The following SMPDL3B variants were observed in gnomAD, a reference collection of about 807,000 sequenced individuals.
The protein encoded by SMPDL3B is acid sphingomyelinase-like phosphodiesterase 3b.
Under a neutral mutation model 37.9 loss-of-function variants are expected in SMPDL3B, and 31 were observed. That is an observed-to-expected ratio of 0.82 (90% CI 0.61 to 1.10). The LOEUF (loss-of-function observed/expected upper bound fraction) is 1.10. Among genes scored for constraint, SMPDL3B ranks in the 50% least tolerant of loss-of-function variants. The pLI is 0.00. For missense variants in SMPDL3B, 525 were observed against 597.8 expected, an observed-to-expected ratio of 0.88 and a Z score of 1.27; for synonymous variants, 235 against 242.6, an observed-to-expected ratio of 0.97 and a Z score of 0.29.
rs150114839 is a variant in SMPDL3B at position 27,945,998 on chromosome 1, T to C, written c.275+553T>C. ...GCAGAGACCCAGTTTCTGCTTCCTG[T>C]CCAAGGTTGCTGCTCTAATTCCTTC... On this transcript the variant is annotated intron_variant, in intron 2 of 7. Transcript: ENST00000373894. The surrounding 1 kb of genome is among the most constrained non-coding windows in gnomAD (Gnocchi z 4.0). 1.4e-3 allele frequency among the ~76,000 whole-genome samples: 206 copies of C among 152,272 alleles called. 1 individual carries two copies. Among genetic ancestry groups the C allele is most frequent in the Middle Eastern group, 6.8e-3 (2 of 294 alleles).
intron 1 of SMPDL3B, among the ~76,000 whole-genome samples, chr1:27,938,702 A>G (rs6598913): frequency 0.95 from 145,006 of 152,308 alleles, 69,355 homozygotes; most frequent in East Asian, 1. Context: ...ACACTTCGAG[A>G]AGCCATACAA....
chr1:27,949,001 C>T (rs1403495898), intron 2 of SMPDL3B, 64 bp from the exon 3 acceptor site: 4 of 1,611,378 alleles, frequency 2.5e-6, no homozygotes, highest in Admixed American at 1.7e-5. Flanking sequence ...CAGAGCTGTC[C>T]CTTCCTTTTC....
chr1:27,944,568 C>G (rs1571652046), intron 1 of SMPDL3B, among the ~76,000 whole-genome samples: 1 of 151,898 alleles, frequency 6.6e-6, no homozygotes, highest in Admixed American at 6.6e-5. Flanking sequence ...GTAGCCCAGG[C>G]TGGTCTTGAA....
chr1:27,945,504 C>A lies in SMPDL3B; in HGVS notation c.275+59C>A. The A allele has an allele frequency of 1.5e-6, 2 of 1,359,676 alleles. No homozygotes were observed. Among genetic ancestry groups the A allele is most frequent in the Non-Finnish European group, 2.1e-6 (2 of 956,034 alleles). The allele number at this position is 1,359,676 out of a possible 1,614,324, so 84.2% of individuals were successfully genotyped here. A position where few individuals can be genotyped will look rare whatever the true frequency, so the allele number is the denominator to read the frequency against. On this transcript the variant is annotated intron_variant, in intron 2 of 7. Transcript: ENST00000373894. This position sits in a 1 kb window ranked among gnomAD's most constrained non-coding sequence, Gnocchi z 4.0. Reference sequence around the variant, plus strand: ...CAGGCATCTGCTATGTGCTACATACCAGTCTGGCCCTTTGCCCACATTATC... The same window carrying A: ...CAGGCATCTGCTATGTGCTACATACAAGTCTGGCCCTTTGCCCACATTATC...
Position 27,958,995 on chromosome 1 carries a change from T to A in SMPDL3B, c.*157T>A. ...AAGCCCCAGGAGCTGCAGCCATCCG[T>A]GATCGCGCCACTGCACTCCAGCCTG... On this transcript the variant is annotated 3_prime_UTR_variant, in exon 8 of 8. Transcript: ENST00000373894. This position sits in a 1 kb window ranked among gnomAD's most constrained non-coding sequence, Gnocchi z 5.6. 1 of 875,230 alleles carries A rather than the reference T, an allele frequency of 1.1e-6. No homozygotes were observed. The allele number at this position is 875,230 out of a possible 1,614,324, so 54.2% of individuals were successfully genotyped here. A position where few individuals can be genotyped will look rare whatever the true frequency, so the allele number is the denominator to read the frequency against.
chr1:27,955,406 C>T (rs567688624), intron 5 of SMPDL3B, among the ~76,000 whole-genome samples: 2 of 152,292 alleles, frequency 1.3e-5, no homozygotes, highest in South Asian at 2.1e-4. Context: ...ATTAGGAAAG[C>T]TTCATGGGGG....
chr1:27,935,871 G>A (rs563713405), intron 1 of SMPDL3B, among the ~76,000 whole-genome samples: 147 of 152,308 alleles, frequency 9.7e-4, no homozygotes, highest in African/African-American at 3.3e-3. Flanking sequence ...AGAGGACAGT[G>A]CACGGGGTCT....
At chr1:27,935,550 G>C (rs916279982) in intron 1 of SMPDL3B, among the ~76,000 whole-genome samples, 4 of 152,082 alleles carry the variant, frequency 2.6e-5, no homozygotes, top group Admixed American at 2.6e-4. Context: ...CAACAAATGA[G>C]GTCCTTTCCT....
In SMPDL3B at chr1:27,943,821, G is replaced by A. The variant is rs1031820474; in HGVS notation, c.62-1411G>A. On this transcript the variant is annotated intron_variant, in intron 1 of 7. Transcript: ENST00000373894. ...TTGAGACCAGCCTGGCTAACATGGC[G>A]AAACCCCATTTCTACTAAAAATACA... is the stretch of plus-strand genomic sequence containing the variant. Among the ~76,000 whole-genome samples the A allele has an allele frequency of 1.9e-4, 28 of 150,956 alleles. No homozygotes were observed. The East Asian group carries it at 3.1e-3, about 17-fold the overall frequency.
chr1:27,953,226 T>C lies in SMPDL3B; in HGVS notation c.385T>C (p.Tyr129His), dbSNP rs142477376. 65 of 1,613,094 alleles carry C rather than the reference T, an allele frequency of 4.0e-5. No individual in the cohort carries two copies. The African/African-American group carries it at 8.4e-4, about 21-fold the overall frequency. Reference sequence around the variant, plus strand: ...CCCTTTCTTCCTAGATACTAAAGTCTATGCTGCTTTGGGAAATCATGATTT... The same window carrying C: ...CCCTTTCTTCCTAGATACTAAAGTCCATGCTGCTTTGGGAAATCATGATTT... ...IREVFPDTKVYAALGNHDFHP... is the reference protein window; with the variant it reads ...IREVFPDTKVHAALGNHDFHP... Residue 129 changes from tyrosine (Y) to histidine (H), a missense_variant, in exon 4 of 8, where the codon TAT becomes CAT. Tyr to His is a moderately conservative substitution (Grantham distance 83). Transcript: ENST00000373894.
In SMPDL3B at chr1:27,958,890, G is replaced by A; in HGVS notation, c.*52G>A. ...AACGGGTAACGGGGGCAGCGCCCAG[G>A]ATCACCCAGAGCTGGGCCTTCCACC... On this transcript the variant is annotated 3_prime_UTR_variant, in exon 8 of 8. Coordinates refer to ENST00000373894, the MANE Select transcript of SMPDL3B (RefSeq NM_014474.4). The surrounding 1 kb of genome is among the most constrained non-coding windows in gnomAD (Gnocchi z 5.6). 6.7e-7 allele frequency: 1 copy of A among 1,490,126 alleles called. No homozygotes were observed. The highest frequency in any genetic ancestry group is 9.0e-7 in the Non-Finnish European group (1 of 1,116,520). 92.3% of individuals were successfully genotyped at this position (1,490,126 alleles called of 1,614,324 possible).
intron 7 of SMPDL3B, among the ~76,000 whole-genome samples, chr1:27,956,761 A>G (rs932534240): frequency 1.3e-5 from 2 of 152,154 alleles, no homozygotes; most frequent in African/African-American, 4.8e-5. Flanking sequence ...AAATATGTAG[A>G]ATTAATTATA....
rs778009180 is a variant in SMPDL3B at position 27,935,238 on chromosome 1, GA to G, written c.57del (p.Glu19AspfsTer60). 2 of 1,612,522 alleles carry G rather than the reference GA, an allele frequency of 1.2e-6. No homozygotes were observed. The highest frequency in any genetic ancestry group is 1.7e-6 in the Non-Finnish European group (2 of 1,178,530). ...FLANWGGARA[E>X]PGKFWHIADL... ...GGCTAACTGGGGAGGTGCCAGGGCT[GA>G]ACCAGGTACAGCACTGGGAATGTCT... is the stretch of plus-strand genomic sequence containing the variant. On this transcript the variant is annotated frameshift_variant, in exon 1 of 8. Transcript: ENST00000373894. LOFTEE classifies it high-confidence loss of function.
intron 1 of SMPDL3B, among the ~76,000 whole-genome samples, chr1:27,944,123 T>G (rs1382142828): frequency 6.6e-6 from 1 of 151,924 alleles, no homozygotes; most frequent in Non-Finnish European, 1.5e-5. Context: ...TATTACACTG[T>G]GAAGTTTTTT....
At chr1:27,944,000 G>A (rs1449289991) in intron 1 of SMPDL3B, among the ~76,000 whole-genome samples, 6 of 125,184 alleles carry the variant, frequency 4.8e-5, no homozygotes, top group Admixed American at 9.2e-5. Context: ...GGCACAGAGC[G>A]AAACTCTGTC....
At chr1:27,953,115 T>C (rs1461147486) in intron 3 of SMPDL3B, 100 bp from the exon 4 acceptor site, 1 of 842,950 alleles carries the variant, frequency 1.2e-6, no homozygotes, top group Non-Finnish European at 1.9e-6. Flanking sequence ...GTGCTATCGC[T>C]CTTCCCCTTG....
chr1:27,942,910 C>T (rs1282976698), intron 1 of SMPDL3B, among the ~76,000 whole-genome samples: 1 of 151,714 alleles, frequency 6.6e-6, no homozygotes, highest in Non-Finnish European at 1.5e-5. Flanking sequence ...AATCTTCCTG[C>T]CTTAACCTCC....
intron 7 of SMPDL3B, among the ~76,000 whole-genome samples, chr1:27,957,946 A>T (rs1222933841): frequency 1.3e-5 from 2 of 151,992 alleles, no homozygotes; most frequent in Non-Finnish European, 2.9e-5. Flanking sequence ...AGCTCCTCTT[A>T]CCCCGTCTGC....
chr1:27,942,354 C>T (rs767265235), intron 1 of SMPDL3B: 1 of 471,108 alleles, frequency 2.1e-6, no homozygotes. Context: ...TGGCTCCGGG[C>T]TTGGAAGCAG....
Sources: allele counts gnomAD v4.1 joint callset (sites outside exome capture counted in the v4.1 genomes callset), GRCh38; gene constraint gnomAD v4.1.1; non-coding constraint Gnocchi (gnomAD v3.1); transcripts MANE v1.5; gene names NCBI Gene and HGNC (gene_info 2026-07-23, HGNC 2026-07-21).